The following SPOCK1 variants were observed in gnomAD, a reference collection of about 807,000 sequenced individuals.
SPOCK1 encodes the protein testican-1.
SPOCK1 carries 23 observed loss-of-function variants against 55.3 expected under a neutral mutation model. That is an observed-to-expected ratio of 0.42 (90% CI 0.30 to 0.59). SPOCK1 has a LOEUF of 0.59. SPOCK1 is among the 20% of genes least tolerant of loss of function. The probability of loss-of-function intolerance (pLI) is 0.22; values close to 1 mark genes in which losing one functional copy is unlikely to be tolerated. For synonymous variants in SPOCK1, 226 were observed against 221.0 expected, an observed-to-expected ratio of 1.02 and a Z score of -0.20; for missense variants, 499 against 552.5, an observed-to-expected ratio of 0.90 and a Z score of 0.97.
At chr5:137,401,258 G>A (rs1751970009) in intron 2 of SPOCK1, among the ~76,000 whole-genome samples, 1 of 152,018 alleles carries the variant, frequency 6.6e-6, no homozygotes, top group South Asian at 2.1e-4. Flanking sequence ...ATTCCAACAG[G>A]GACAAGAAAG....
intron 2 of SPOCK1, among the ~76,000 whole-genome samples, chr5:137,416,824 T>C (rs1289511358): frequency 6.6e-6 from 1 of 152,170 alleles, no homozygotes; most frequent in Non-Finnish European, 1.5e-5. Context: ...AGTATCTTCT[T>C]GTGATTTTAA....
chr5:137,109,613 C>A (rs1283021592), intron 5 of SPOCK1, among the ~76,000 whole-genome samples: 2 of 152,180 alleles, frequency 1.3e-5, no homozygotes. Context: ...ACCTTCCAAG[C>A]TGGCTAAGTG....
chr5:137,137,719 C>G (rs1038293197), intron 4 of SPOCK1, among the ~76,000 whole-genome samples: 14 of 152,210 alleles, frequency 9.2e-5, no homozygotes, highest in Non-Finnish European at 1.9e-4. Flanking sequence ...TCACGCTAAA[C>G]CTCAAAGGCT....
chr5:137,403,835 C>A (rs1383305525), intron 2 of SPOCK1, among the ~76,000 whole-genome samples: 2 of 151,960 alleles, frequency 1.3e-5, no homozygotes, highest in African/African-American at 4.8e-5. Flanking sequence ...TGACAGCCTG[C>A]GAGACGGGGT....
At chr5:137,432,703 T>C (rs537303549) in intron 2 of SPOCK1, among the ~76,000 whole-genome samples, 2 of 152,334 alleles carry the variant, frequency 1.3e-5, no homozygotes, top group South Asian at 4.1e-4. Flanking sequence ...ATATACTTAA[T>C]GCCACAGAAG....
At chr5:137,107,644 C>G (rs993953634) in intron 5 of SPOCK1, among the ~76,000 whole-genome samples, 1 of 152,144 alleles carries the variant, frequency 6.6e-6, no homozygotes, top group African/African-American at 2.4e-5. Context: ...TCCCTGGTAT[C>G]AGGGCATTAG....
At chr5:137,023,169 A>G (rs1034282221) in intron 6 of SPOCK1, among the ~76,000 whole-genome samples, 1 of 152,220 alleles carries the variant, frequency 6.6e-6, no homozygotes, top group African/African-American at 2.4e-5. Context: ...TAAGAATACT[A>G]TCTATCTTAC....
At chr5:137,289,567 T>C (rs1036575765) in intron 2 of SPOCK1, among the ~76,000 whole-genome samples, 1 of 152,206 alleles carries the variant, frequency 6.6e-6, no homozygotes, top group Non-Finnish European at 1.5e-5. Context: ...TAGAGATGTG[T>C]TGGTTGAAGC....
intron 3 of SPOCK1, among the ~76,000 whole-genome samples, chr5:137,141,755 G>A (rs1250050088): frequency 1.3e-5 from 2 of 152,186 alleles, no homozygotes; most frequent in Admixed American, 6.5e-5. Flanking sequence ...CACAGAGAGT[G>A]TAGGGAGGCA....
At chr5:137,483,462 G>A (rs183378078) in intron 2 of SPOCK1, among the ~76,000 whole-genome samples, 54 of 152,338 alleles carry the variant, frequency 3.5e-4, no homozygotes, top group Non-Finnish European at 6.8e-4. Context: ...TAAGGGCAGG[G>A]AATGTTGTCT....
chr5:137,040,031 G>A (rs925023914), intron 6 of SPOCK1, among the ~76,000 whole-genome samples: 5 of 152,182 alleles, frequency 3.3e-5, no homozygotes, highest in African/African-American at 9.6e-5. Context: ...AGGTTAATGC[G>A]GAGCTGTCAT....
intron 5 of SPOCK1, among the ~76,000 whole-genome samples, chr5:137,097,692 T>C (rs987323325): frequency 2.0e-5 from 3 of 152,196 alleles, no homozygotes; most frequent in Non-Finnish European, 2.9e-5. Flanking sequence ...AGTCTTCTGA[T>C]TTCACTAACA....
At chr5:137,354,009 C>T (rs1181864189) in intron 2 of SPOCK1, among the ~76,000 whole-genome samples, 1 of 152,166 alleles carries the variant, frequency 6.6e-6, no homozygotes, top group Non-Finnish European at 1.5e-5. Context: ...AAGTGGGAAA[C>T]TCTCACATTT....
chr5:137,114,028 G>A (rs1753527401), intron 4 of SPOCK1, among the ~76,000 whole-genome samples: 1 of 152,166 alleles, frequency 6.6e-6, no homozygotes, highest in African/African-American at 2.4e-5. Flanking sequence ...CTAGCAATTT[G>A]GGGGAGGTGG....
intron 3 of SPOCK1, among the ~76,000 whole-genome samples, chr5:137,160,607 A>T (rs796398783): frequency 0.019 from 1,216 of 63,480 alleles, 57 homozygotes; most frequent in African/African-American, 0.072. Flanking sequence ...TATTATATAT[A>T]ATATATAATA....
chr5:137,017,927 A>C (rs1751483745), intron 6 of SPOCK1, among the ~76,000 whole-genome samples: 2 of 152,350 alleles, frequency 1.3e-5, no homozygotes, highest in South Asian at 4.1e-4. Context: ...CATCCAAGCA[A>C]ATCAAGCCAG....
intron 6 of SPOCK1, among the ~76,000 whole-genome samples, chr5:137,033,502 TC>T (rs1751823569): frequency 6.6e-6 from 1 of 152,128 alleles, no homozygotes; most frequent in African/African-American, 2.4e-5. Flanking sequence ...ATGCCATCCT[TC>T]CCTTGTCCCC....
intron 3 of SPOCK1, among the ~76,000 whole-genome samples, chr5:137,182,229 C>T (rs985680387): frequency 2.0e-5 from 3 of 152,104 alleles, no homozygotes; most frequent in African/African-American, 4.8e-5. Flanking sequence ...ATTTTCCTCA[C>T]CTAAAACTTA....
At chr5:137,373,058 C>T (rs1751234852) in intron 2 of SPOCK1, among the ~76,000 whole-genome samples, 2 of 152,184 alleles carry the variant, frequency 1.3e-5, no homozygotes. Flanking sequence ...TTCCACCTTC[C>T]ACCATGTGAT....
Sources: allele counts gnomAD v4.1 joint callset (sites outside exome capture counted in the v4.1 genomes callset), GRCh38; gene constraint gnomAD v4.1.1; transcripts MANE v1.5; gene names NCBI Gene and HGNC (gene_info 2026-07-23, HGNC 2026-07-21).